Variants in ARHGAP22 observed in about 807,000 individuals in gnomAD.
The protein encoded by ARHGAP22 is Rho GTPase activating protein 22.
ARHGAP22 carries 48 observed loss-of-function variants against 59.1 expected under a neutral mutation model. The observed-to-expected ratio is 0.81, with a 90% CI of 0.64 to 1.03. The LOEUF is 1.03. ARHGAP22 is among the 50% of genes least tolerant of loss of function. The pLI is 0.00. For missense variants in ARHGAP22, 1,015 were observed against 958.7 expected, an observed-to-expected ratio of 1.06 and a Z score of -0.78; for synonymous variants, 445 against 416.4, an observed-to-expected ratio of 1.07 and a Z score of -0.84.
rs548898719 is a variant in ARHGAP22, at chr10:48,569,171, A to G, written c.235-13621T>C. 2.0e-5 allele frequency among the ~76,000 whole-genome samples: 3 copies of G among 152,332 alleles called. No homozygotes were observed. In the East Asian group the frequency reaches 5.8e-4, roughly 29 times the overall value. ...TGGTGTCTCTGTGAGAGAGGCTGCC[A>G]TGCTGCTTAGTTGAGCACAGGTTAG... On this transcript the variant is annotated intron_variant, in intron 2 of 9. Transcript: ENST00000249601.
At chr10:48,635,726 G>A (rs2061790767) in intron 1 of ARHGAP22, among the ~76,000 whole-genome samples, 1 of 152,146 alleles carries the variant, frequency 6.6e-6, no homozygotes, top group African/African-American at 2.4e-5. Context: ...CTCCTTCCTG[G>A]TGTCACTCTT....
downstream of ARHGAP22, among the ~76,000 whole-genome samples, chr10:48,441,821 G>A (rs1186355259): frequency 6.6e-6 from 1 of 152,178 alleles, no homozygotes; most frequent in East Asian, 1.9e-4. Context: ...GGGTCCAGGT[G>A]AGTTTTGTCA....
chr10:48,516,925 C>T (rs760059067), intron 3 of ARHGAP22, among the ~76,000 whole-genome samples: 5 of 152,124 alleles, frequency 3.3e-5, no homozygotes, highest in Non-Finnish European at 7.3e-5. Flanking sequence ...TATTACTCAG[C>T]CTTAAAAAGG....
chr10:48,559,346 T>C (rs2057532957), intron 2 of ARHGAP22, among the ~76,000 whole-genome samples: 1 of 152,174 alleles, frequency 6.6e-6, no homozygotes, highest in South Asian at 2.1e-4. Context: ...ATTTGCTCTG[T>C]TAGGGAATTG....
intron 4 of ARHGAP22, among the ~76,000 whole-genome samples, chr10:48,465,724 C>T (rs1433891185): frequency 1.3e-5 from 2 of 152,220 alleles, no homozygotes; most frequent in African/African-American, 4.8e-5. Flanking sequence ...CGGGCAATGA[C>T]ATAGTCTGGG....
chr10:48,652,235 G>T (rs556413033), exon 1 of ARHGAP22: 4 of 1,535,294 alleles, frequency 2.6e-6, no homozygotes, highest in Admixed American at 2.0e-5. Context: ...AATTCTTACT[G>T]AAATATCTGG....
the ARHGAP22 span, chr10:48,436,319 A>T: frequency 2.6e-5 from 4 of 152,236 alleles, no homozygotes; most frequent in Non-Finnish European, 5.9e-5. Flanking sequence ...GAGTAGTGTT[A>T]AGAATGGTGC....
the ARHGAP22 span, chr10:48,439,170 C>T: frequency 6.6e-5 from 10 of 151,618 alleles, no homozygotes; most frequent in Non-Finnish European, 1.5e-4. Context: ...GTTCCGTTCC[C>T]TCTCCTTTCC....
At chr10:48,530,461 A>G (rs1346231931) in intron 3 of ARHGAP22, among the ~76,000 whole-genome samples, 1 of 152,234 alleles carries the variant, frequency 6.6e-6, no homozygotes, top group Non-Finnish European at 1.5e-5. Context: ...CAAAAGAAAC[A>G]ATCAGCAGAG....
At chr10:48,460,377 G>A (rs755994302) in intron 4 of ARHGAP22, among the ~76,000 whole-genome samples, 39 of 152,264 alleles carry the variant, frequency 2.6e-4, no homozygotes, top group Admixed American at 3.3e-4. Context: ...AACCATAGTC[G>A]TGACTCAGCA....
chr10:48,622,267 C>G (rs1246782017), intron 1 of ARHGAP22, among the ~76,000 whole-genome samples: 1 of 151,148 alleles, frequency 6.6e-6, no homozygotes, highest in Non-Finnish European at 1.5e-5. Flanking sequence ...TCTGTCATAC[C>G]CTTTTAAGAC....
chr10:48,627,107 A>C (rs2061478200), intron 1 of ARHGAP22, among the ~76,000 whole-genome samples: 1 of 152,174 alleles, frequency 6.6e-6, no homozygotes. Flanking sequence ...GTGCATGAAG[A>C]GTGCATGGAA....
At chr10:48,487,711 C>CT (rs1436592585) in intron 3 of ARHGAP22, among the ~76,000 whole-genome samples, 3 of 152,206 alleles carry the variant, frequency 2.0e-5, no homozygotes, top group Non-Finnish European at 4.4e-5. Flanking sequence ...TGTCAGGCTT[C>CT]TGACCTACAG....
Position 48,448,128 on chromosome 10 carries a change from C to T in ARHGAP22, c.1869-1509G>A, listed in dbSNP as rs76907228. On this transcript the variant is annotated intron_variant, in intron 9 of 9. Coordinates refer to ENST00000249601, the MANE Select transcript of ARHGAP22 (RefSeq NM_021226.4). ...CTCACTTCATTCTCATCTCACTCCA[C>T]GAAAAACCAGAGCATTGCCCAGGCC... 6.8e-4 allele frequency among the ~76,000 whole-genome samples: 103 copies of T among 152,346 alleles called. 1 individual carries two copies. In the East Asian group the frequency reaches 0.018, roughly 26 times the overall value.
intron 3 of ARHGAP22, among the ~76,000 whole-genome samples, chr10:48,506,024 C>G (rs148170837): frequency 6.6e-6 from 1 of 152,282 alleles, no homozygotes; most frequent in Admixed American, 6.5e-5. Flanking sequence ...TTGGCCACCA[C>G]GTATCTCTCA....
chr10:48,621,415 T>C (rs1342606750), intron 1 of ARHGAP22, among the ~76,000 whole-genome samples: 3 of 152,230 alleles, frequency 2.0e-5, no homozygotes, highest in Non-Finnish European at 4.4e-5. Context: ...TTTATTCAAT[T>C]ACACACTGAA....
At chr10:48,546,055 G>A (rs1459367138) in intron 3 of ARHGAP22, among the ~76,000 whole-genome samples, 4 of 152,246 alleles carry the variant, frequency 2.6e-5, no homozygotes, top group African/African-American at 7.2e-5. Flanking sequence ...AGGCAGAGAT[G>A]TTGTTAGTGA....
At chr10:48,626,743 G>A (rs2061462582) in intron 1 of ARHGAP22, among the ~76,000 whole-genome samples, 1 of 152,206 alleles carries the variant, frequency 6.6e-6, no homozygotes, top group Non-Finnish European at 1.5e-5. Flanking sequence ...TACCAGGCAT[G>A]AGCTCCTAAA....
In ARHGAP22 at chr10:48,459,899, C is replaced by G; in HGVS notation, c.452-8G>C. 6.2e-7 allele frequency: 1 copy of G among 1,610,410 alleles called. No individual in the cohort carries two copies. The highest frequency in any genetic ancestry group is 8.5e-7 in the Non-Finnish European group (1 of 1,179,046). On this transcript the variant is annotated splice_polypyrimidine_tract_variant and splice_region_variant and intron_variant, in intron 4 of 9. Coordinates refer to ENST00000249601, the MANE Select transcript of ARHGAP22 (RefSeq NM_021226.4). ...GGCGCTGCCCAAAGATCCCTGAGCACAGAGAGGAGCTAGTCACACCCTCCA... is the reference window on the plus strand; with the variant it reads ...GGCGCTGCCCAAAGATCCCTGAGCAGAGAGAGGAGCTAGTCACACCCTCCA...
Sources: allele counts gnomAD v4.1 joint callset (sites outside exome capture counted in the v4.1 genomes callset), GRCh38; gene constraint gnomAD v4.1.1; transcripts MANE v1.5; gene names NCBI Gene and HGNC (gene_info 2026-07-23, HGNC 2026-07-21).